ZNF469: variants seen among roughly 807,000 people sequenced by gnomAD.
The protein encoded by ZNF469 is zinc finger protein 469.
A neutral mutation model predicts 1.0 loss-of-function variants in ZNF469; 1 was observed. That is an observed-to-expected ratio of 1.00 (90% CI 0.35 to 4.73). The LOEUF (loss-of-function observed/expected upper bound fraction) is 4.73. Among genes scored for constraint, ZNF469 ranks in the 30% most tolerant of loss-of-function variants. The pLI is 0.16. For missense variants in ZNF469, 6,100 were observed against 5,356.3 expected, an observed-to-expected ratio of 1.14 and a Z score of -4.33; for synonymous variants, 2,703 against 2,363.4, an observed-to-expected ratio of 1.14 and a Z score of -4.17.
At chr16:88,329,127 CTG>C in the ZNF469 span, among the ~76,000 whole-genome samples, 2 of 152,172 alleles carry the variant, frequency 1.3e-5, no homozygotes, top group Non-Finnish European at 2.9e-5. Context: ...TATCCGGGGT[CTG>C]TGTGTCGACC....
the ZNF469 span, among the ~76,000 whole-genome samples, chr16:88,234,538 C>T: frequency 2.0e-5 from 3 of 152,206 alleles, no homozygotes; most frequent in Admixed American, 1.3e-4. Flanking sequence ...GCTCCAGCCT[C>T]GCAGCGCGGA....
chr16:88,357,732 G>T, the ZNF469 span, among the ~76,000 whole-genome samples: 1 of 152,244 alleles, frequency 6.6e-6, no homozygotes, highest in African/African-American at 2.4e-5. Context: ...ATTTATGGGA[G>T]ATCATGATTC....
At position 88,434,878 on chromosome 16, in the gene ZNF469, G is replaced by T; in HGVS notation, c.7408G>T (p.Gly2470Trp). 9 of 1,550,358 alleles carry T rather than the reference G, an allele frequency of 5.8e-6. No individual in the cohort carries two copies. Among genetic ancestry groups the T allele is most frequent in the Non-Finnish European group, 7.8e-6 (9 of 1,146,992 alleles). ...NGQWKGQAPH[G>W]PVTCEVCAAS... ...CCAGTGGAAGGGCCAAGCTCCACAT[G>T]GGCCTGTGACCTGTGAGGTCTGCGC... The change falls in exon 3 of 3, where the codon GGG becomes TGG. Residue 2470 changes from glycine to tryptophan, a missense_variant. Gly to Trp is a radical substitution (Grantham distance 184, BLOSUM62 -2). Coordinates refer to ENST00000565624, the MANE Select transcript of ZNF469 (RefSeq NM_001367624.2).
At chr16:88,171,662 C>T in the ZNF469 span, among the ~76,000 whole-genome samples, 4 of 152,138 alleles carry the variant, frequency 2.6e-5, no homozygotes, top group Admixed American at 6.5e-5. Flanking sequence ...TGGTTAAATA[C>T]GGACATTGTA....
chr16:88,408,107 G>A (rs972235284), intron 1 of ZNF469, among the ~76,000 whole-genome samples: 4 of 152,184 alleles, frequency 2.6e-5, no homozygotes, highest in African/African-American at 4.8e-5. Context: ...ACCTCTTGTC[G>A]TATAGGCCTC....
chr16:88,268,987 C>T, the ZNF469 span, among the ~76,000 whole-genome samples: 30 of 152,286 alleles, frequency 2.0e-4, no homozygotes, highest in East Asian at 2.9e-3. Flanking sequence ...TGGAAGGTCA[C>T]GGGCTGCCGG....
chr16:88,132,065 G>A, the ZNF469 span, among the ~76,000 whole-genome samples: 4 of 152,184 alleles, frequency 2.6e-5, no homozygotes, highest in African/African-American at 7.2e-5. Context: ...TTTGAATCAC[G>A]GCCTGGAGTT....
At chr16:88,352,632 G>A in the ZNF469 span, among the ~76,000 whole-genome samples, 3 of 152,280 alleles carry the variant, frequency 2.0e-5, no homozygotes, top group African/African-American at 7.2e-5. Flanking sequence ...GCCGATGGTG[G>A]GCACTTTGGT....
the ZNF469 span, among the ~76,000 whole-genome samples, chr16:88,239,185 C>T: frequency 7.5e-4 from 114 of 152,128 alleles, no homozygotes; most frequent in African/African-American, 2.6e-3. Context: ...TCTCTGCCAT[C>T]GGCTATTCTC....
chr16:88,373,771 C>T, the ZNF469 span, among the ~76,000 whole-genome samples: 17 of 152,136 alleles, frequency 1.1e-4, no homozygotes, highest in Admixed American at 9.8e-4. Flanking sequence ...CTGAGGTGGA[C>T]AGATCACTTG....
chr16:88,201,371 A>G, the ZNF469 span, among the ~76,000 whole-genome samples: 1 of 152,288 alleles, frequency 6.6e-6, no homozygotes, highest in African/African-American at 2.4e-5. The surrounding 1 kb of genome is among the most constrained non-coding windows in gnomAD (Gnocchi z 5.0). Context: ...CCTGGCCAAC[A>G]TGGTGAAACC....
chr16:88,120,747 C>G, the ZNF469 span, among the ~76,000 whole-genome samples: 1 of 152,216 alleles, frequency 6.6e-6, no homozygotes, highest in African/African-American at 2.4e-5. Context: ...CCCGGGAACA[C>G]TGGCTGGAAA....
At chr16:88,101,224 G>A in the ZNF469 span, among the ~76,000 whole-genome samples, 1 of 152,254 alleles carries the variant, frequency 6.6e-6, no homozygotes, top group Admixed American at 6.5e-5. Flanking sequence ...GGGGGTGCAC[G>A]CAGGGGAACG....
At chr16:88,277,461 A>G in the ZNF469 span, among the ~76,000 whole-genome samples, 455 of 136,784 alleles carry the variant, frequency 3.3e-3, 1 homozygote, top group African/African-American at 0.012. Flanking sequence ...GGTCAGTACC[A>G]TGTAGATATC....
At chr16:88,146,642 G>A in the ZNF469 span, among the ~76,000 whole-genome samples, 3 of 151,998 alleles carry the variant, frequency 2.0e-5, no homozygotes, top group Non-Finnish European at 4.4e-5. Context: ...CCCTGGGGAC[G>A]GCTGCTCCCG....
the ZNF469 span, among the ~76,000 whole-genome samples, chr16:88,170,749 T>A: frequency 1.3e-5 from 2 of 152,220 alleles, no homozygotes; most frequent in Admixed American, 1.3e-4. This position sits in a 1 kb window ranked among gnomAD's most constrained non-coding sequence, Gnocchi z 4.2. Flanking sequence ...CTCAATGTTG[T>A]ACTGATTTCC....
intron 1 of ZNF469, among the ~76,000 whole-genome samples, chr16:88,401,937 TACG>T (rs1436073555): frequency 6.6e-4 from 15 of 22,682 alleles, no homozygotes; most frequent in African/African-American, 3.8e-3. Context: ...GATGGATAGA[TACG>T]TGGGTGGATG....
chr16:88,330,150 A>C, the ZNF469 span, among the ~76,000 whole-genome samples: 1 of 152,214 alleles, frequency 6.6e-6, no homozygotes, highest in Non-Finnish European at 1.5e-5. Context: ...ACATGCAATG[A>C]TGCTGTCATC....
At chr16:88,307,417 A>G in the ZNF469 span, among the ~76,000 whole-genome samples, 1 of 152,248 alleles carries the variant, frequency 6.6e-6, no homozygotes, top group African/African-American at 2.4e-5. Context: ...AGGACTGGCC[A>G]AACTGTTTTT....
Sources: allele counts gnomAD v4.1 joint callset (sites outside exome capture counted in the v4.1 genomes callset), GRCh38; gene constraint gnomAD v4.1.1; non-coding constraint Gnocchi (gnomAD v3.1); transcripts MANE v1.5; gene names NCBI Gene and HGNC (gene_info 2026-07-23, HGNC 2026-07-21).